SIM2: variants seen among roughly 807,000 people sequenced by gnomAD.
The protein encoded by SIM2 is single-minded homolog 2.
Under a neutral mutation model 64.8 loss-of-function variants are expected in SIM2, and 28 were observed. The ratio of observed to expected loss-of-function variants is 0.43; its 90% CI spans 0.32 to 0.59. SIM2 has a LOEUF of 0.59. SIM2 is among the 20% of genes least tolerant of loss of function. The pLI is 0.07. For missense variants in SIM2, 847 were observed against 871.4 expected, an observed-to-expected ratio of 0.97 and a Z score of 0.35; for synonymous variants, 408 against 391.1, an observed-to-expected ratio of 1.04 and a Z score of -0.51.
chr21:36,721,429 C>T (rs1028093596), intron 4 of SIM2, among the ~76,000 whole-genome samples: 2 of 152,036 alleles, frequency 1.3e-5, no homozygotes, highest in African/African-American at 2.4e-5. Flanking sequence ...TTGCACAGTA[C>T]GGTTTTTTGT....
intron 8 of SIM2, 140 bp downstream of exon 8, chr21:36,742,004 T>TG (rs2089168176): frequency 9.8e-7 from 1 of 1,024,716 alleles, no homozygotes; most frequent in East Asian, 2.8e-5. Flanking sequence ...TTTTTTAATT[T>TG]TTTTTTTTTA....
intron 8 of SIM2, among the ~76,000 whole-genome samples, chr21:36,742,780 G>T (rs1461116818): frequency 6.6e-6 from 1 of 152,218 alleles, no homozygotes; most frequent in Non-Finnish European, 1.5e-5. Flanking sequence ...TGTCTTAGAA[G>T]TCAAGTGATT....
chr21:36,700,883 C>T (rs896827973), intron 1 of SIM2, among the ~76,000 whole-genome samples: 1 of 152,240 alleles, frequency 6.6e-6, no homozygotes, highest in African/African-American at 2.4e-5. Context: ...CTGGGACCCG[C>T]GGTGCGGAAG....
In SIM2 at chr21:36,714,622, GTCCTTTGGGGGC is replaced by G. The variant is rs2088720071; in HGVS notation, c.348+2005_348+2016del. Among the ~76,000 whole-genome samples, 4 of 152,170 alleles carry G rather than the reference GTCCTTTGGGGGC, an allele frequency of 2.6e-5. No individual in the cohort carries two copies. In the South Asian group the frequency reaches 6.2e-4, roughly 24 times the overall value. ...TTTGAGCAAACTTGCTTTCAGTAGA[GTCCTTTGGGGGC>G]TCCTATTAGGGCTGCTTGGTCATTT... is the stretch of plus-strand genomic sequence containing the variant. On this transcript the variant is annotated intron_variant, in intron 3 of 10. Transcript: ENST00000290399.
intron 7 of SIM2, among the ~76,000 whole-genome samples, chr21:36,740,007 GAGAGAAAGAA>G (rs1568940061): frequency 5.4e-4 from 57 of 105,128 alleles, no homozygotes; most frequent in African/African-American, 1.7e-3. Flanking sequence ...AAGAAAGAAA[GAGAGAAAGAA>G]AGAAAGAAAG....
At position 36,731,050 on chromosome 21, in the gene SIM2, C is replaced by A; in HGVS notation, c.749C>A (p.Thr250Asn). 1 of 1,613,652 alleles carries A rather than the reference C, an allele frequency of 6.2e-7. No homozygotes were observed. The highest frequency in any genetic ancestry group is 8.5e-7 in the Non-Finnish European group (1 of 1,179,654). Residue 250 changes from threonine (T) to asparagine (N), a missense_variant, in exon 7 of 11, where the codon ACC becomes AAC. By Grantham distance (65) the Thr-to-Asn change is moderately conservative. This residue lies in a region of SIM2 where 397 missense variants were observed against 439.2 expected (regional missense o/e 0.90). Transcript: ENST00000290399. ...GAGCTGCCATGCCCCCACAGGGTGA[C>A]CGAGGTGACGGGGTACGAGCCGCAG... ...LKLIFLDSRVTEVTGYEPQDL... is the reference protein window; with the variant it reads ...LKLIFLDSRVNEVTGYEPQDL...
At chr21:36,717,965 A>G (rs2088768762) in intron 3 of SIM2, among the ~76,000 whole-genome samples, 1 of 152,206 alleles carries the variant, frequency 6.6e-6, no homozygotes, top group Non-Finnish European at 1.5e-5. Context: ...CAGGGAGGCG[A>G]ATGTCCGTCT....
At position 36,723,048 on chromosome 21, in the gene SIM2, A is replaced by G. The variant is rs201840539; in HGVS notation, c.461A>G (p.Tyr154Cys). ...CTCATCTTGCTCCTGCTTGCAGAGT[A>G]TGAGATAGAGAGGTCGTTCTTTCTT... ...QPLHHHLLQE[Y>C]EIERSFFLRM... is the part of the protein sequence containing the mutation. Residue 154 changes from tyrosine to cysteine, a missense_variant, in exon 5 of 11, where the codon TAT becomes TGT. Tyr to Cys is a radical substitution (Grantham distance 194, BLOSUM62 -2). Coordinates refer to ENST00000290399, the MANE Select transcript of SIM2 (RefSeq NM_005069.6). The G allele has an allele frequency of 3.4e-5, 55 of 1,613,852 alleles. No individual in the cohort carries two copies. The Middle Eastern group carries it at 6.6e-4, about 19-fold the overall frequency.
Position 36,737,894 on chromosome 21 carries a change from G to A in SIM2, c.851-3823G>A, listed in dbSNP as rs972653179. ...GGAGAATCTCTTGAACCCAGGAGAC[G>A]GAGGTTGCAGTGAGCCGAGATTGTA... is the stretch of plus-strand genomic sequence containing the variant. On this transcript the variant is annotated intron_variant, in intron 7 of 10. Transcript: ENST00000290399. 4.5e-4 allele frequency among the ~76,000 whole-genome samples: 65 copies of A among 143,534 alleles called. 1 individual carries two copies. The highest frequency in any genetic ancestry group is 1.5e-3 in the African/African-American group (58 of 38,824). 94.2% of individuals were successfully genotyped at this position (143,534 alleles called of 152,430 possible).
chr21:36,738,000 A>G (rs1029476468), intron 7 of SIM2, among the ~76,000 whole-genome samples: 6 of 151,022 alleles, frequency 4.0e-5, no homozygotes, highest in African/African-American at 1.5e-4. Flanking sequence ...AAAAGCAAAA[A>G]GAAAAAAGCA....
chr21:36,703,207 G>A (rs947100581), intron 1 of SIM2, among the ~76,000 whole-genome samples: 1 of 152,198 alleles, frequency 6.6e-6, no homozygotes. Context: ...AGGGGTCCCT[G>A]TGTGCAAGGC....
Position 36,747,879 on chromosome 21 carries a change from C to G in SIM2, c.1791C>G (p.Phe597Leu). The change falls in exon 11 of 11, where the codon TTC becomes TTG. Residue 597 changes from phenylalanine (F) to leucine (L), a missense_variant. Transcript: ENST00000290399. This position sits in a 1 kb window ranked among gnomAD's most constrained non-coding sequence, Gnocchi z 4.5. Reference protein sequence around the residue: ...EAPGAPAQLPFVLLNYHRVLA... With the variant: ...EAPGAPAQLPLVLLNYHRVLA... The stretch of plus-strand genomic sequence containing the variant: ...CGGGCGCGCCGGCGCAGCTGCCCTT[C>G]GTGCTGCTCAACTACCACCGCGTGC... The G allele has an allele frequency of 9.4e-7, 1 of 1,066,984 alleles. No individual in the cohort carries two copies. The highest frequency in any genetic ancestry group is 1.1e-6 in the Non-Finnish European group (1 of 875,820). 66.1% of individuals were successfully genotyped at this position (1,066,984 alleles called of 1,614,324 possible). A position where few individuals can be genotyped will look rare whatever the true frequency, so the allele number is the denominator to read the frequency against.
chr21:36,737,424 G>C (rs558362011), intron 7 of SIM2, among the ~76,000 whole-genome samples: 87 of 152,290 alleles, frequency 5.7e-4, no homozygotes, highest in Admixed American at 1.2e-3. Flanking sequence ...TTGTATGTAG[G>C]GGGAGCTGGC....
intron 6 of SIM2, among the ~76,000 whole-genome samples, chr21:36,728,894 A>G (rs909158934): frequency 6.6e-6 from 1 of 152,216 alleles, no homozygotes; most frequent in Non-Finnish European, 1.5e-5. Context: ...CCCAGACACA[A>G]CTGAACTCGC....
At position 36,731,165 on chromosome 21, in the gene SIM2, C is replaced by T. The variant is rs778548369; in HGVS notation, c.850+14C>T. 6.2e-7 allele frequency: 1 copy of T among 1,601,192 alleles called. No individual in the cohort carries two copies. Among genetic ancestry groups the T allele is most frequent in the Non-Finnish European group, 8.6e-7 (1 of 1,169,244 alleles). On this transcript the variant is annotated intron_variant, in intron 7 of 10. Transcript: ENST00000290399. ...CACACCACCTCCGTGAGTAGCACGC[C>T]CACCCCAGCCACGGGAGGTAGCTGG...
Position 36,726,800 on chromosome 21 carries a change from C to G in SIM2, c.743+482C>G, listed in dbSNP as rs1429915554. 6.6e-6 allele frequency among the ~76,000 whole-genome samples: 1 copy of G among 152,108 alleles called. No homozygotes were observed. Among genetic ancestry groups the G allele is most frequent in the Non-Finnish European group, 1.5e-5 (1 of 68,022 alleles). ...GCCACCACAGGGCTGAGGCTGGGAG[C>G]AGAGACGCTATCTACCCTGGGGGAT... On this transcript the variant is annotated intron_variant, in intron 6 of 10. Coordinates refer to ENST00000290399, the MANE Select transcript of SIM2 (RefSeq NM_005069.6). This position sits in a 1 kb window ranked among gnomAD's most constrained non-coding sequence, Gnocchi z 4.5.
In SIM2 at chr21:36,742,007, T is replaced by G. The variant is rs2089168319; in HGVS notation, c.998+143T>G. The G allele has an allele frequency of 3.0e-6, 3 of 1,002,330 alleles. No homozygotes were observed. In the South Asian group the frequency reaches 5.6e-5, roughly 19 times the overall value. The allele number at this position is 1,002,330 out of a possible 1,614,324, so 62.1% of individuals were successfully genotyped here. A position where few individuals can be genotyped will look rare whatever the true frequency, so the allele number is the denominator to read the frequency against. ...GTTTTTTTTCTTTTTTTTAATTTTTTTTTTTTAGGAATCTGGTCATTTTGG... is the reference window on the plus strand; with the variant it reads ...GTTTTTTTTCTTTTTTTTAATTTTTGTTTTTTAGGAATCTGGTCATTTTGG... On this transcript the variant is annotated intron_variant, in intron 8 of 10. Transcript: ENST00000290399.
At chr21:36,709,075 T>C in intron 1 of SIM2, 93 bp from the exon 2 acceptor site, 1 of 1,105,368 alleles carries the variant, frequency 9.0e-7, no homozygotes. Context: ...TGGGGAGGGC[T>C]GGCAGGGTGC....
chr21:36,709,132 C>G, intron 1 of SIM2, 36 bp from the exon 2 acceptor site: 1 of 1,575,270 alleles, frequency 6.3e-7, no homozygotes. Context: ...GGGCTGGGCG[C>G]TGCAGTTTAC....
Sources: allele counts gnomAD v4.1 joint callset (sites outside exome capture counted in the v4.1 genomes callset), GRCh38; gene constraint gnomAD v4.1.1; regional missense constraint gnomAD v4.1.1; non-coding constraint Gnocchi (gnomAD v3.1); transcripts MANE v1.5; gene names NCBI Gene and HGNC (gene_info 2026-07-23, HGNC 2026-07-21).